The following RIMKLA variants were observed in gnomAD, a reference collection of about 807,000 sequenced individuals.
The protein encoded by RIMKLA is N-acetylaspartylglutamate synthase A.
A neutral mutation model predicts 32.7 loss-of-function variants in RIMKLA; 14 were observed. The observed-to-expected ratio is 0.43, with a 90% CI of 0.28 to 0.67. The LOEUF is 0.67. Among genes scored for constraint, RIMKLA ranks in the 30% least tolerant of loss-of-function variants. RIMKLA has a pLI of 0.18. For missense variants in RIMKLA, 410 were observed against 519.0 expected, an observed-to-expected ratio of 0.79 and a Z score of 2.04; for synonymous variants, 176 against 204.1, an observed-to-expected ratio of 0.86 and a Z score of 1.18.
rs1465490146 is a variant in RIMKLA, at chr1:42,394,519, C to T, written c.164-4885C>T. ...AGTTCTTAGCAAATAACCTAAAACG[C>T]AATAGAGGCTCAATAAAAATCTTGT... is the stretch of plus-strand genomic sequence containing the variant. On this transcript the variant is annotated intron_variant, in intron 1 of 4. Transcript: ENST00000431473. Among the ~76,000 whole-genome samples the T allele has an allele frequency of 2.0e-5, 3 of 152,156 alleles. No homozygotes were observed. In the East Asian group the frequency reaches 5.8e-4, roughly 29 times the overall value.
At chr1:42,382,378 T>C (rs1642896963) in intron 1 of RIMKLA, among the ~76,000 whole-genome samples, 1 of 152,242 alleles carries the variant, frequency 6.6e-6, no homozygotes, top group Non-Finnish European at 1.5e-5. Flanking sequence ...CTATTACAGC[T>C]TTACAGTTAA....
intron 1 of RIMKLA, among the ~76,000 whole-genome samples, chr1:42,390,481 A>C (rs1570317237): frequency 6.6e-6 from 1 of 152,160 alleles, no homozygotes; most frequent in African/African-American, 2.4e-5. Context: ...AAGGGCTGGG[A>C]TCTACTGCGT....
chr1:42,408,161 C>A (rs1336527095), intron 3 of RIMKLA, among the ~76,000 whole-genome samples: 1 of 152,180 alleles, frequency 6.6e-6, no homozygotes, highest in Admixed American at 6.5e-5. Flanking sequence ...GCTGCATCGT[C>A]CACACTTGCT....
At chr1:42,400,280 G>A (rs1643086230) in intron 2 of RIMKLA, among the ~76,000 whole-genome samples, 1 of 152,142 alleles carries the variant, frequency 6.6e-6, no homozygotes. Flanking sequence ...TGAAGGAGAT[G>A]AGGGTTAATC....
At chr1:42,413,058 C>T (rs934643807) in intron 4 of RIMKLA, among the ~76,000 whole-genome samples, 18 of 152,018 alleles carry the variant, frequency 1.2e-4, no homozygotes, top group African/African-American at 4.1e-4. Flanking sequence ...CGCTTGAACC[C>T]GGGAGGCGGA....
intron 2 of RIMKLA, among the ~76,000 whole-genome samples, chr1:42,402,798 C>T (rs1643111861): frequency 6.6e-6 from 1 of 152,046 alleles, no homozygotes; most frequent in Admixed American, 6.6e-5. Flanking sequence ...ACTACGTTGC[C>T]CAGGCTGGTC....
chr1:42,394,396 G>GTATC (rs1643024936), intron 1 of RIMKLA, among the ~76,000 whole-genome samples: 1 of 152,214 alleles, frequency 6.6e-6, no homozygotes, highest in Non-Finnish European at 1.5e-5. Flanking sequence ...GACTCATTAT[G>GTATC]TATCGGCTTT....
intron 3 of RIMKLA, among the ~76,000 whole-genome samples, chr1:42,408,514 C>T (rs1049110328): frequency 1.3e-5 from 2 of 152,136 alleles, no homozygotes; most frequent in South Asian, 2.1e-4. Flanking sequence ...CTCTGCCTCC[C>T]GAGTTCAAGC....
At chr1:42,407,687 T>C (rs577316922) in intron 3 of RIMKLA, among the ~76,000 whole-genome samples, 1 of 152,228 alleles carries the variant, frequency 6.6e-6, no homozygotes, top group Non-Finnish European at 1.5e-5. Context: ...GATATAGTTC[T>C]ATATGCCAAG....
At chr1:42,395,769 A>G (rs1228779360) in intron 1 of RIMKLA, among the ~76,000 whole-genome samples, 1 of 152,176 alleles carries the variant, frequency 6.6e-6, no homozygotes, top group Non-Finnish European at 1.5e-5. Flanking sequence ...CTCAAAATTT[A>G]CAGACCTTTT....
chr1:42,391,488 A>G (rs12088350), intron 1 of RIMKLA, among the ~76,000 whole-genome samples: 6,612 of 152,170 alleles, frequency 0.043, 433 homozygotes, highest in African/African-American at 0.14. Flanking sequence ...AACAGCCACA[A>G]CTTAGAGGGC....
At chr1:42,411,112 T>C (rs2148395110) in intron 4 of RIMKLA, among the ~76,000 whole-genome samples, 1 of 152,310 alleles carries the variant, frequency 6.6e-6, no homozygotes, top group Non-Finnish European at 1.5e-5. Flanking sequence ...GGAGTATCAC[T>C]TAAAGCCAGG....
intron 1 of RIMKLA, among the ~76,000 whole-genome samples, chr1:42,388,517 G>GTTTTT (rs35842187): frequency 1.5e-5 from 2 of 131,714 alleles, no homozygotes; most frequent in East Asian, 2.4e-4. Context: ...CTGAAAGCTT[G>GTTTTT]TTTTTTTTTT....
At chr1:42,404,871 C>T (rs1263570044) in intron 3 of RIMKLA, among the ~76,000 whole-genome samples, 3 of 152,142 alleles carry the variant, frequency 2.0e-5, no homozygotes, top group Non-Finnish European at 2.9e-5. Flanking sequence ...AGTAATTTCT[C>T]TGAAACATAG....
chr1:42,395,385 T>C (rs935869005), intron 1 of RIMKLA, among the ~76,000 whole-genome samples: 1 of 151,552 alleles, frequency 6.6e-6, no homozygotes, highest in African/African-American at 2.4e-5. Flanking sequence ...TTAAGTGGTT[T>C]GAGGCTAAAC....
intron 3 of RIMKLA, among the ~76,000 whole-genome samples, chr1:42,407,662 C>T (rs1274614411): frequency 3.3e-5 from 5 of 152,138 alleles, no homozygotes; most frequent in Non-Finnish European, 7.4e-5. Flanking sequence ...TCTGGGTTCT[C>T]AATTTTATTC....
rs895057906 is a variant in RIMKLA, at chr1:42,385,791, C to G, written c.163+4694C>G. Among the ~76,000 whole-genome samples, 42 of 109,670 alleles carry G rather than the reference C, an allele frequency of 3.8e-4. 1 individual carries two copies. The highest frequency in any genetic ancestry group is 5.1e-4 in the Non-Finnish European group (25 of 49,076). The allele number at this position is 109,670 out of a possible 152,430, so 71.9% of individuals were successfully genotyped here. On this transcript the variant is annotated intron_variant, in intron 1 of 4. Transcript: ENST00000431473. ...TCTTTGTTTCTTTGTTTGTTTGTTT[C>G]TTTCTTTCTCTCTCTCTTTCCTTCC...
Position 42,421,220 on chromosome 1 carries a change from G to A in RIMKLA, c.*6246G>A, listed in dbSNP as rs897943492. 1 of 152,300 alleles carries A rather than the reference G, an allele frequency of 6.6e-6. No individual in the cohort carries two copies. Among genetic ancestry groups the A allele is most frequent in the Admixed American group, 6.5e-5 (1 of 15,290 alleles). 9.4% of individuals were successfully genotyped at this position (152,300 alleles called of 1,614,324 possible). On this transcript the variant is annotated 3_prime_UTR_variant, in exon 5 of 5. Transcript: ENST00000431473. This position sits in a 1 kb window ranked among gnomAD's most constrained non-coding sequence, Gnocchi z 4.6. ...AGAGACTGCCTCAGACAACTGGGGG[G>A]CTGGAAAGCCGACCTGGAAAGCAGC...
intron 3 of RIMKLA, among the ~76,000 whole-genome samples, chr1:42,405,220 C>T (rs975853847): frequency 1.3e-5 from 2 of 152,232 alleles, no homozygotes; most frequent in African/African-American, 4.8e-5. Context: ...TGATCTCCCT[C>T]CCTGTCTTCC....
Sources: gnomAD v4.1 joint callset for allele counts (sites outside exome capture counted in the v4.1 genomes callset) on GRCh38, gnomAD v4.1.1 for gene constraint, Gnocchi (gnomAD v3.1) non-coding constraint, MANE v1.5 for transcripts, NCBI Gene and HGNC (gene_info 2026-07-23, HGNC 2026-07-21) for gene names.